KLHL34: variants seen among roughly 807,000 people sequenced by gnomAD.
KLHL34 encodes kelch like family member 34, also known as kelch-like protein 34.
A neutral mutation model predicts 23.8 loss-of-function variants in KLHL34; 24 were observed. That is an observed-to-expected ratio of 1.01 (90% confidence interval 0.73 to 1.42). KLHL34 has a LOEUF of 1.42. KLHL34 is among the 40% of genes most tolerant of loss of function. The pLI is 0.00. For synonymous variants in KLHL34, 303 were observed against 287.9 expected, an observed-to-expected ratio of 1.05 and a Z score of -0.53; for missense variants, 652 against 595.1, an observed-to-expected ratio of 1.10 and a Z score of -0.99.
Position 21,657,585 on chromosome X carries a change from G to T in KLHL34, c.204C>A (p.Arg68=), listed in dbSNP as rs1389082426. The T allele has an allele frequency of 8.3e-6, 10 of 1,209,215 alleles. No homozygotes were observed. The highest frequency in any genetic ancestry group is 1.0e-5 in the Non-Finnish European group (9 of 894,965). Residue 68 remains arginine, a synonymous_variant, in exon 1 of 1, where the codon CGC becomes CGA. Transcript: ENST00000379499. ...FKSHTQESRA[R]VIHLHVPSAA... ...CCGATGGCACGTGCAGGTGGATCAC[G>T]CGCGCCCGGGATTCCTGGGTGTGGC...
At position 21,657,972 on chromosome X, in the gene KLHL34, C is replaced by T; in HGVS notation, c.-184G>A. 3.0e-6 allele frequency: 2 copies of T among 667,140 alleles called. No homozygotes were observed. The highest frequency in any genetic ancestry group is 4.3e-6 in the Non-Finnish European group (2 of 468,614). 55.0% of individuals were successfully genotyped at this position (667,140 alleles called of 1,213,427 possible). A position where few individuals can be genotyped will look rare whatever the true frequency, so the allele number is the denominator to read the frequency against. ...ATCCAGACCTGCAGATCGCCCAGTG[C>T]CCCTCTCAGAGCAAATCCAGTCTGG... is the stretch of plus-strand genomic sequence containing the variant. On this transcript the variant is annotated 5_prime_UTR_variant, in exon 1 of 1. Coordinates refer to ENST00000379499, the MANE Select transcript of KLHL34 (RefSeq NM_153270.3).
rs1197829855 is a variant in KLHL34, at chrX:21,657,569, C to A, written c.220G>T (p.Val74Leu). 3.3e-6 allele frequency: 4 copies of A among 1,211,313 alleles called. No individual in the cohort carries two copies. In the South Asian group the frequency reaches 7.0e-5, roughly 21 times the overall value. Residue 74 changes from valine (V) to leucine (L), a missense_variant, in exon 1 of 1, where the codon GTG becomes TTG. By Grantham distance (32) the Val-to-Leu change is conservative. Transcript: ENST00000379499. Reference sequence around the variant, plus strand: ...CGCTGCAGGCCGGCTGCCGATGGCACGTGCAGGTGGATCACGCGCGCCCGG... The same window carrying A: ...CGCTGCAGGCCGGCTGCCGATGGCAAGTGCAGGTGGATCACGCGCGCCCGG... ...ESRARVIHLH[V>L]PSAAGLQRLL...
rs1334008178 is a variant in KLHL34, at chrX:21,656,016, G to A, written c.1773C>T (p.Asn591=). 1 of 1,207,285 alleles carries A rather than the reference G, an allele frequency of 8.3e-7. No homozygotes were observed. Among genetic ancestry groups the A allele is most frequent in the African/African-American group, 1.7e-5 (1 of 57,768 alleles). The part of the protein sequence containing the change: ...WRDSRQVPTR[N]VVGYDLDLDR... ...CCAGGTCGAGGTCGTAGCCCACTAC[G>A]TTGCGGGTAGGCACCTGGCGCGAGT... Residue 591 remains asparagine, a synonymous_variant, in exon 1 of 1, where the codon AAC becomes AAT. Coordinates refer to ENST00000379499, the MANE Select transcript of KLHL34 (RefSeq NM_153270.3).
chrX:21,656,832 T>C lies in KLHL34; in HGVS notation c.957A>G (p.Glu319=). The change falls in exon 1 of 1, where the codon GAA becomes GAG. Residue 319 remains glutamate (E), a synonymous_variant. Coordinates refer to ENST00000379499, the MANE Select transcript of KLHL34 (RefSeq NM_153270.3). The part of the protein sequence containing the change: ...VAAPEPEEEE[E]ELEEEEEEEE... ...CCTCCTCCTCCTCTTCCTCCAACTCTTCCTCTTCTTCCTCGGGCTCTGGGG... is the reference window on the plus strand; with the variant it reads ...CCTCCTCCTCCTCTTCCTCCAACTCCTCCTCTTCTTCCTCGGGCTCTGGGG... The C allele has an allele frequency of 8.4e-7, 1 of 1,187,105 alleles. No individual in the cohort carries two copies. Among genetic ancestry groups the C allele is most frequent in the Non-Finnish European group, 1.1e-6 (1 of 883,472 alleles).
In KLHL34 at chrX:21,655,821, C is replaced by T; in HGVS notation, c.*33G>A. On this transcript the variant is annotated 3_prime_UTR_variant, in exon 1 of 1. Coordinates refer to ENST00000379499, the MANE Select transcript of KLHL34 (RefSeq NM_153270.3). Reference sequence around the variant, plus strand: ...TAAGACTAACCAAGCGCGACTTTCTCCTCCATTGCGGAAGGAAACCGGACT... The same window carrying T: ...TAAGACTAACCAAGCGCGACTTTCTTCTCCATTGCGGAAGGAAACCGGACT... 8.8e-7 allele frequency: 1 copy of T among 1,139,803 alleles called. No homozygotes were observed. The allele number at this position is 1,139,803 out of a possible 1,213,427, so 93.9% of individuals were successfully genotyped here. A position where few individuals can be genotyped will look rare whatever the true frequency, so the allele number is the denominator to read the frequency against.
Position 21,657,513 on chromosome X carries a change from C to G in KLHL34, c.276G>C (p.Leu92=). 1 of 1,211,673 alleles carries G rather than the reference C, an allele frequency of 8.3e-7. No individual in the cohort carries two copies. Among genetic ancestry groups the G allele is most frequent in the African/African-American group, 1.7e-5 (1 of 57,973 alleles). ...CCTCTACAGTGTCCATGGAAAGCGA[C>G]AGCCAGGCAGTGTAGATGAAGTCCA... ...RLLDFIYTAW[L]SLSMDTVEDT... The change falls in exon 1 of 1, where the codon CTG becomes CTC. Residue 92 remains leucine, a synonymous_variant. Transcript: ENST00000379499.
chrX:21,657,324 C>A lies in KLHL34; in HGVS notation c.465G>T (p.Val155=). 8.6e-7 allele frequency: 1 copy of A among 1,158,555 alleles called. No homozygotes were observed. The highest frequency in any genetic ancestry group is 2.7e-5 in the Admixed American group (1 of 37,586). Reference sequence around the variant, plus strand: ...GCGCCAGCAGCTCCTGCAAGTGGCTCACGATGCAGCGCTCGGCCGCGTCCA... The same window carrying A: ...GCGCCAGCAGCTCCTGCAAGTGGCTAACGATGCAGCGCTCGGCCGCGTCCA... ...HTLDAAERCI[V]SHLQELLARG... Residue 155 remains valine, a synonymous_variant, in exon 1 of 1, where the codon GTG becomes GTT. Transcript: ENST00000379499.
chrX:21,657,264 G>A lies in KLHL34; in HGVS notation c.525C>T (p.Asn175=), dbSNP rs1366827384. 5.1e-6 allele frequency: 6 copies of A among 1,167,180 alleles called. No homozygotes were observed. In the African/African-American group the frequency reaches 8.8e-5, roughly 17 times the overall value. The change falls in exon 1 of 1, where the codon AAC becomes AAT. Residue 175 remains asparagine, a synonymous_variant. Transcript: ENST00000379499. ...CCAGTACAGCCCTCAGCGATGTAGG[G>A]TTGAGCTCCAGGAGTCCCGCGGGGC... ...GAGPAGLLEL[N]PTSLRAVLGA...
At position 21,656,407 on chromosome X, in the gene KLHL34, C is replaced by G; in HGVS notation, c.1382G>C (p.Arg461Pro). Reference sequence around the variant, plus strand: ...GGCCCCCGCGTGACCGTGCAGAGCCCGCGGTAGTGCCCCAGCCGCCGTCCA... The same window carrying G: ...GGCCCCCGCGTGACCGTGCAGAGCCGGCGGTAGTGCCCCAGCCGCCGTCCA... ...DRWTAAGALP[R>P]ALHGHAGAVG... The change falls in exon 1 of 1, where the codon CGG becomes CCG. Residue 461 changes from arginine to proline, a missense_variant. Physicochemically the swap from Arg to Pro is moderately radical, Grantham distance 103. Coordinates refer to ENST00000379499, the MANE Select transcript of KLHL34 (RefSeq NM_153270.3). 1 of 1,194,599 alleles carries G rather than the reference C, an allele frequency of 8.4e-7. No individual in the cohort carries two copies.
Position 21,656,232 on chromosome X carries a change from G to C in KLHL34, c.1557C>G (p.His519Gln). The change falls in exon 1 of 1, where the codon CAC becomes CAG. Residue 519 changes from histidine (H) to glutamine (Q), a missense_variant. By Grantham distance (24) the His-to-Gln change is conservative. Transcript: ENST00000379499. ...CAGCGCCGCGCAGCACTGCCATGTG[G>C]TGCCCGAAACGTGCGGTGCCCATGG... ...KAPMGTARFG[H>Q]HMAVLRGAVF... is the part of the protein sequence containing the mutation. 1 of 1,195,680 alleles carries C rather than the reference G, an allele frequency of 8.4e-7. No individual in the cohort carries two copies. The highest frequency in any genetic ancestry group is 1.1e-6 in the Non-Finnish European group (1 of 887,518).
rs2092731525 is a variant in KLHL34, at chrX:21,656,023, G to C, written c.1766C>G (p.Thr589Ser). ...GAGGTCGTAGCCCACTACGTTGCGG[G>C]TAGGCACCTGGCGCGAGTCCCGCCA... ...LKWRDSRQVP[T>S]RNVVGYDLDL... is the part of the protein sequence containing the mutation. Residue 589 changes from threonine to serine, a missense_variant, in exon 1 of 1, where the codon ACC becomes AGC. Thr to Ser is a moderately conservative substitution (Grantham distance 58). Coordinates refer to ENST00000379499, the MANE Select transcript of KLHL34 (RefSeq NM_153270.3). 1 of 1,203,937 alleles carries C rather than the reference G, an allele frequency of 8.3e-7. No homozygotes were observed.
Position 21,656,882 on chromosome X carries a change from T to A in KLHL34, c.907A>T (p.Arg303Trp), listed in dbSNP as rs754924801. 7.7e-6 allele frequency: 9 copies of A among 1,173,238 alleles called. No individual in the cohort carries two copies. The African/African-American group carries it at 1.4e-4, about 18-fold the overall frequency. ...GCGGCGACCTGGCCCCTAGCTGCCCTCTGCGGGGCCGCGACCTCCTCAATC... is the reference window on the plus strand; with the variant it reads ...GCGGCGACCTGGCCCCTAGCTGCCCACTGCGGGGCCGCGACCTCCTCAATC... ...VVIEEVAAPQ[R>W]AARGQVAAPE... The change falls in exon 1 of 1, where the codon AGG becomes TGG. Residue 303 changes from arginine to tryptophan, a missense_variant. By Grantham distance (101) the Arg-to-Trp change is moderately radical (BLOSUM62 -3). Transcript: ENST00000379499.
chrX:21,657,906 G>A lies in KLHL34; in HGVS notation c.-118C>T, dbSNP rs2092735922. 1.0e-5 allele frequency: 11 copies of A among 1,052,748 alleles called. No homozygotes were observed. The highest frequency in any genetic ancestry group is 9.6e-5 in the South Asian group (4 of 41,638). 86.8% of individuals were successfully genotyped at this position (1,052,748 alleles called of 1,213,427 possible). On this transcript the variant is annotated 5_prime_UTR_variant, in exon 1 of 1. Coordinates refer to ENST00000379499, the MANE Select transcript of KLHL34 (RefSeq NM_153270.3). ...GTAAGCCACAGAGCCCCTAGCAGGG[G>A]CCCATTTCTGCCTGCTCAGTTTAAA...
Position 21,656,959 on chromosome X carries a change from C to A in KLHL34, c.830G>T (p.Ser277Ile). 2 of 1,158,771 alleles carry A rather than the reference C, an allele frequency of 1.7e-6. No homozygotes were observed. The highest frequency in any genetic ancestry group is 3.0e-5 in the East Asian group (1 of 33,278). Reference protein sequence around the residue: ...LMQGEQTSIRSPQTRILLVGG... With the variant: ...LMQGEQTSIRIPQTRILLVGG... ...CACCAACAAGATGCGGGTCTGGGGG[C>A]TCCGGATGCTGGTCTGCTCGCCCTG... The change falls in exon 1 of 1, where the codon AGC becomes ATC. Residue 277 changes from serine (S) to isoleucine (I), a missense_variant. Ser to Ile is a moderately radical substitution (Grantham distance 142). Coordinates refer to ENST00000379499, the MANE Select transcript of KLHL34 (RefSeq NM_153270.3).
rs2092730741 is a variant in KLHL34, at chrX:21,655,625, C to T, written c.*229G>A. 4 of 452,718 alleles carry T rather than the reference C, an allele frequency of 8.8e-6. No homozygotes were observed. The highest frequency in any genetic ancestry group is 1.3e-5 in the Non-Finnish European group (4 of 306,714). 37.3% of individuals were successfully genotyped at this position (452,718 alleles called of 1,213,427 possible). A position where few individuals can be genotyped will look rare whatever the true frequency, so the allele number is the denominator to read the frequency against. On this transcript the variant is annotated 3_prime_UTR_variant, in exon 1 of 1. Coordinates refer to ENST00000379499, the MANE Select transcript of KLHL34 (RefSeq NM_153270.3). ...TTCTAAAAATTTTCTTTCACCAGCT[C>T]ACTGAAGTTGATTCATATAGCCTTC...
chrX:21,656,026 G>A lies in KLHL34; in HGVS notation c.1763C>T (p.Pro588Leu), dbSNP rs1466587660. 1 of 1,202,493 alleles carries A rather than the reference G, an allele frequency of 8.3e-7. No individual in the cohort carries two copies. The highest frequency in any genetic ancestry group is 1.7e-5 in the African/African-American group (1 of 57,158). Residue 588 changes from proline (P) to leucine (L), a missense_variant, in exon 1 of 1, where the codon CCT (proline) becomes CTT (leucine). Pro to Leu is a moderately conservative substitution (Grantham distance 98, BLOSUM62 -3). Coordinates refer to ENST00000379499, the MANE Select transcript of KLHL34 (RefSeq NM_153270.3). ...GTCGTAGCCCACTACGTTGCGGGTA[G>A]GCACCTGGCGCGAGTCCCGCCACTT... is the stretch of plus-strand genomic sequence containing the variant. Reference protein sequence around the residue: ...GLKWRDSRQVPTRNVVGYDLD... With the variant: ...GLKWRDSRQVLTRNVVGYDLD...
chrX:21,657,731 G>T lies in KLHL34; in HGVS notation c.58C>A (p.Gln20Lys), dbSNP rs780966856. 3 of 1,201,913 alleles carry T rather than the reference G, an allele frequency of 2.5e-6. No homozygotes were observed. Among genetic ancestry groups the T allele is most frequent in the Admixed American group, 2.2e-5 (1 of 45,778 alleles). ...AHGGALLTGY[Q>K]ALRAEGFLCD... ...AGGAAGCCCTCGGCGCGCAGGGCCT[G>T]GTAGCCGGTGAGCAGCGCGCCGCCA... Residue 20 changes from glutamine (Q) to lysine (K), a missense_variant, in exon 1 of 1, where the codon CAG becomes AAG. Transcript: ENST00000379499.
rs143206420 is a variant in KLHL34 at position 21,656,984 on chromosome X, G to A, written c.805C>T (p.Gln269Ter). ...HTTPSRQPLMQGEQTSIRSPQ... is the reference protein window; with the variant it reads ...HTTPSRQPLM ...CTCCGGATGCTGGTCTGCTCGCCCTGCATGAGCGGCTGGCGGGAGGGCGTC... is the reference window on the plus strand; with the variant it reads ...CTCCGGATGCTGGTCTGCTCGCCCTACATGAGCGGCTGGCGGGAGGGCGTC... Residue 269 changes from glutamine (Q) to a stop codon, truncating the protein, a stop_gained, in exon 1 of 1, where the codon CAG (glutamine) becomes TAG (stop). Transcript: ENST00000379499. LOFTEE classifies it high-confidence loss of function. The A allele has an allele frequency of 3.4e-4, 396 of 1,159,506 alleles. No individual in the cohort carries two copies. The highest frequency in any genetic ancestry group is 4.4e-4 in the Non-Finnish European group (382 of 869,129).
chrX:21,655,596 G>A lies in KLHL34; in HGVS notation c.*258C>T. 3.2e-6 allele frequency: 1 copy of A among 311,027 alleles called. No homozygotes were observed. Among genetic ancestry groups the A allele is most frequent in the Admixed American group, 5.7e-5 (1 of 17,657 alleles). 25.6% of individuals were successfully genotyped at this position (311,027 alleles called of 1,213,427 possible). A position where few individuals can be genotyped will look rare whatever the true frequency, so the allele number is the denominator to read the frequency against. ...AAAGTCCTTCTCTAGCCTTGCGTGA[G>A]CCTTTCTAAAAATTTTCTTTCACCA... On this transcript the variant is annotated 3_prime_UTR_variant, in exon 1 of 1. Transcript: ENST00000379499.
Sources: allele counts gnomAD v4.1 joint callset, GRCh38; gene constraint gnomAD v4.1.1; transcripts MANE v1.5; gene names NCBI Gene and HGNC (gene_info 2026-07-23, HGNC 2026-07-21).